The following NLRP6 variants were observed in gnomAD, a reference collection of about 807,000 sequenced individuals.
NLRP6 encodes the protein NACHT, LRR and PYD domains-containing protein 6.
NLRP6 carries 55 observed loss-of-function variants against 70.9 expected under a neutral mutation model. That is an observed-to-expected ratio of 0.78 (90% CI 0.62 to 0.97). The LOEUF (loss-of-function observed/expected upper bound fraction) is 0.97, where lower values mean the gene tolerates loss of function less well. NLRP6 is among the 50% of genes least tolerant of loss of function. The pLI is 0.00. For synonymous variants in NLRP6, 652 were observed against 581.9 expected, an observed-to-expected ratio of 1.12 and a Z score of -1.73; for missense variants, 1,241 against 1,238.3, an observed-to-expected ratio of 1.00 and a Z score of -0.03.
Position 285,158 on chromosome 11 carries a change from G to T in NLRP6, c.2538-8G>T. 1 of 1,579,034 alleles carries T rather than the reference G, an allele frequency of 6.3e-7. No homozygotes were observed. Among genetic ancestry groups the T allele is most frequent in the South Asian group, 1.2e-5 (1 of 86,756 alleles). On this transcript the variant is annotated splice_region_variant and splice_polypyrimidine_tract_variant and intron_variant, in intron 7 of 7. Coordinates refer to ENST00000534750, the MANE Select transcript of NLRP6 (RefSeq NM_001276700.2). ...CTGACCCCGCTTCTGCTCTGCGTGT[G>T]GCTGCAGTCTGGCCTCTGTGGAGCT...
In NLRP6 at chr11:281,759, C is replaced by G. The variant is rs754482570; in HGVS notation, c.2025C>G (p.Ile675Met). 2.5e-6 allele frequency: 4 copies of G among 1,611,074 alleles called. No homozygotes were observed. The Admixed American group carries it at 5.0e-5, about 20-fold the overall frequency. The change falls in exon 4 of 8, where the codon ATC (isoleucine) becomes ATG (methionine). Residue 675 changes from isoleucine (I) to methionine (M), a missense_variant. By Grantham distance (10) the Ile-to-Met change is conservative. Transcript: ENST00000534750. The part of the protein sequence containing the change: ...CCPAGQALRL[I>M]SCRLVAAQEK... ...CTGCTGGACAGGCACTGCGGCTGAT[C>G]AGCTGCAGATTGGTTGCTGCGCAGG...
Position 281,807 on chromosome 11 carries a change from GA to G in NLRP6, c.2075del (p.Lys692SerfsTer31). 1 of 1,592,816 alleles carries G rather than the reference GA, an allele frequency of 6.3e-7. No individual in the cohort carries two copies. Among genetic ancestry groups the G allele is most frequent in the Non-Finnish European group, 8.5e-7 (1 of 1,173,046 alleles). The stretch of plus-strand genomic sequence containing the variant: ...AGGAGAAGAAGAAGAAGAGCCTGGG[GA>G]AGCGGCTCCAGGCCAGCCTGGGTGG... ...AQEKKKKSLG[K>X]RLQASLGGGS... On this transcript the variant is annotated frameshift_variant, in exon 4 of 8. Coordinates refer to ENST00000534750, the MANE Select transcript of NLRP6 (RefSeq NM_001276700.2). LOFTEE classifies it high-confidence loss of function.
At position 284,604 on chromosome 11, in the gene NLRP6, A is replaced by C; in HGVS notation, c.2499A>C (p.Ala833=). 2 of 1,610,886 alleles carry C rather than the reference A, an allele frequency of 1.2e-6. No individual in the cohort carries two copies. The highest frequency in any genetic ancestry group is 1.1e-5 in the South Asian group (1 of 91,018). ...CCCCCATGGTGACCTACCTGTGTGC[A>C]GTCCTGCAGCACCAGGGATGCGGCC... ...LPAPMVTYLC[A]VLQHQGCGLQ... Residue 833 remains alanine (A), a synonymous_variant, in exon 7 of 8, where the codon GCA becomes GCC. Transcript: ENST00000534750.
At position 281,520 on chromosome 11, in the gene NLRP6, G is replaced by A. The variant is rs1300594196; in HGVS notation, c.1786G>A (p.Gly596Arg). The change falls in exon 4 of 8, where the codon GGG becomes AGG. Residue 596 changes from glycine (G) to arginine (R), a missense_variant. Gly to Arg is a moderately radical substitution (Grantham distance 125). Coordinates refer to ENST00000534750, the MANE Select transcript of NLRP6 (RefSeq NM_001276700.2). ...CPGVAPEVTE[G>R]AKGLEDTEEP... ...CGGAGTGGCACCAGAGGTGACCGAG[G>A]GGGCCAAAGGGCTCGAGGACACCGA... is the stretch of plus-strand genomic sequence containing the variant. The A allele has an allele frequency of 1.2e-6, 2 of 1,607,354 alleles. No individual in the cohort carries two copies. The highest frequency in any genetic ancestry group is 2.2e-5 in the East Asian group (1 of 44,788).
In NLRP6 at chr11:281,608, T is replaced by C. The variant is rs1845480073; in HGVS notation, c.1874T>C (p.Leu625Pro). 6.2e-7 allele frequency: 1 copy of C among 1,612,266 alleles called. No individual in the cohort carries two copies. The highest frequency in any genetic ancestry group is 8.5e-7 in the Non-Finnish European group (1 of 1,179,304). The stretch of plus-strand genomic sequence containing the variant: ...TACCCACTGGAGTTGCTGTACTGCC[T>C]GTACGAGACGCAGGAGGACGCGTTT... Reference protein sequence around the residue: ...PNYPLELLYCLYETQEDAFVR... With the variant: ...PNYPLELLYCPYETQEDAFVR... Residue 625 changes from leucine (L) to proline (P), a missense_variant, in exon 4 of 8, where the codon CTG becomes CCG. Transcript: ENST00000534750.
chr11:282,654 C>A, intron 4 of NLRP6, 51 bp from the exon 5 acceptor site: 3 of 1,405,542 alleles, frequency 2.1e-6, no homozygotes, highest in Non-Finnish European at 3.0e-6. Context: ...TCCTTTCCGG[C>A]AGGCACTGTG....
At chr11:283,708 T>A (rs1273770237) in intron 5 of NLRP6, among the ~76,000 whole-genome samples, 1 of 152,090 alleles carries the variant, frequency 6.6e-6, no homozygotes, top group Non-Finnish European at 1.5e-5. Flanking sequence ...CTAGTACTGA[T>A]GGTGAAACAG....
Position 281,429 on chromosome 11 carries a change from C to T in NLRP6, c.1695C>T (p.Cys565=), listed in dbSNP as rs1845475990. 4 of 1,607,404 alleles carry T rather than the reference C, an allele frequency of 2.5e-6. No individual in the cohort carries two copies. The highest frequency in any genetic ancestry group is 3.4e-6 in the Non-Finnish European group (4 of 1,177,014). Residue 565 remains cysteine, a synonymous_variant, in exon 4 of 8, where the codon TGC becomes TGT. Coordinates refer to ENST00000534750, the MANE Select transcript of NLRP6 (RefSeq NM_001276700.2). ...GCGACATCGAGCGCCACTTCGGCTG[C>T]ATGGTTTCAGAGCGTGTGAAGCAGG... ...RMRDIERHFG[C]MVSERVKQEA... is the part of the protein sequence containing the mutation.
chr11:279,036 T>C, intron 1 of NLRP6: 1 of 363,682 alleles, frequency 2.7e-6, no homozygotes, highest in Middle Eastern at 7.0e-4. Flanking sequence ...GAAAGGGAGG[T>C]GCAGGGGAGG....
rs139360489 is a variant in NLRP6, at chr11:282,339, G to A, written c.2106-366G>A. 2.4e-3 allele frequency among the ~76,000 whole-genome samples: 371 copies of A among 152,294 alleles called. 3 individuals carry two copies. The highest frequency in any genetic ancestry group is 8.7e-3 in the African/African-American group (363 of 41,558). ...AGACCCTCGGCTCCTCCAGGGCAAG[G>A]CTTTTGCCAGAGTTCCTTTGAATAT... On this transcript the variant is annotated intron_variant, in intron 4 of 7. Coordinates refer to ENST00000534750, the MANE Select transcript of NLRP6 (RefSeq NM_001276700.2).
Position 280,211 on chromosome 11 carries a change from G to C in NLRP6, c.477G>C (p.Pro159=). Reference sequence around the variant, plus strand: ...TCATCGCGCCCGAGAGCGCCGCCCCGGAGGAGGCGATGGGGCCCGCGGAAG... The same window carrying C: ...TCATCGCGCCCGAGAGCGCCGCCCCCGAGGAGGCGATGGGGCCCGCGGAAG... ...KLLIAPESAA[P]EEAMGPAEEP... is the part of the protein sequence containing the mutation. The change falls in exon 4 of 8, where the codon CCG becomes CCC. Residue 159 remains proline (P), a synonymous_variant. Coordinates refer to ENST00000534750, the MANE Select transcript of NLRP6 (RefSeq NM_001276700.2). 6.5e-7 allele frequency: 1 copy of C among 1,546,576 alleles called. No homozygotes were observed. The highest frequency in any genetic ancestry group is 1.2e-5 in the South Asian group (1 of 83,964).
At position 280,641 on chromosome 11, in the gene NLRP6, A is replaced by C; in HGVS notation, c.907A>C (p.Ser303Arg). Reference sequence around the variant, plus strand: ...CTGCACAGACCCCTTCGAGGCGGCGAGCGGCGCGCGGGTGCTAGGCGGGCT... The same window carrying C: ...CTGCACAGACCCCTTCGAGGCGGCGCGCGGCGCGCGGGTGCTAGGCGGGCT... ...APCTDPFEAASGARVLGGLLS... is the reference protein window; with the variant it reads ...APCTDPFEAARGARVLGGLLS... The change falls in exon 4 of 8, where the codon AGC becomes CGC. Residue 303 changes from serine (S) to arginine (R), a missense_variant. Physicochemically the swap from Ser to Arg is moderately radical, Grantham distance 110. Coordinates refer to ENST00000534750, the MANE Select transcript of NLRP6 (RefSeq NM_001276700.2). The C allele has an allele frequency of 2.0e-6, 3 of 1,506,970 alleles. No individual in the cohort carries two copies. The highest frequency in any genetic ancestry group is 2.6e-6 in the Non-Finnish European group (3 of 1,136,550). The allele number at this position is 1,506,970 out of a possible 1,614,324, so 93.3% of individuals were successfully genotyped here. A position where few individuals can be genotyped will look rare whatever the true frequency, so the allele number is the denominator to read the frequency against.
Position 280,743 on chromosome 11 carries a change from C to G in NLRP6, c.1009C>G (p.Arg337Gly), listed in dbSNP as rs775919638. 1.2e-5 allele frequency: 20 copies of G among 1,602,312 alleles called. No individual in the cohort carries two copies. In the South Asian group the frequency reaches 2.1e-4, roughly 17 times the overall value. The change falls in exon 4 of 8, where the codon CGC becomes GGC. Residue 337 changes from arginine to glycine, a missense_variant. Coordinates refer to ENST00000534750, the MANE Select transcript of NLRP6 (RefSeq NM_001276700.2). Reference sequence around the variant, plus strand: ...CGCCGCCCCCGGGAGGCTGCAGGGCCGCCTGTGTTCCCCGCAGTGCGCCGA... The same window carrying G: ...CGCCGCCCCCGGGAGGCTGCAGGGCGGCCTGTGTTCCCCGCAGTGCGCCGA... ...RAAAPGRLQG[R>G]LCSPQCAEVR...
At chr11:283,141 A>G (rs1845501633) in intron 5 of NLRP6, among the ~76,000 whole-genome samples, 1 of 152,206 alleles carries the variant, frequency 6.6e-6, no homozygotes, top group South Asian at 2.1e-4. Flanking sequence ...GCAGTGGAGG[A>G]AGGTGTTCAA....
In NLRP6 at chr11:284,777, T is replaced by G; in HGVS notation, c.2537+135T>G. 6 of 846,044 alleles carry G rather than the reference T, an allele frequency of 7.1e-6. No homozygotes were observed. In the South Asian group the frequency reaches 1.0e-4, roughly 15 times the overall value. The allele number at this position is 846,044 out of a possible 1,614,324, so 52.4% of individuals were successfully genotyped here. ...CTCCCATGTGACTGAGCTCAAACAC[T>G]GACCTGGGAGCCCAGCCCTGACAGC... On this transcript the variant is annotated intron_variant, in intron 7 of 7. Transcript: ENST00000534750.
chr11:282,636 G>T, intron 4 of NLRP6, 69 bp from the exon 5 acceptor site: 1 of 1,203,496 alleles, frequency 8.3e-7, no homozygotes, highest in South Asian at 1.2e-5. Flanking sequence ...ACTACAGATA[G>T]ACAGGAGTCC....
Position 281,428 on chromosome 11 carries a change from G to A in NLRP6, c.1694G>A (p.Cys565Tyr). ...CGCGACATCGAGCGCCACTTCGGCTGCATGGTTTCAGAGCGTGTGAAGCAG... is the reference window on the plus strand; with the variant it reads ...CGCGACATCGAGCGCCACTTCGGCTACATGGTTTCAGAGCGTGTGAAGCAG... ...RMRDIERHFG[C>Y]MVSERVKQEA... Residue 565 changes from cysteine to tyrosine, a missense_variant, in exon 4 of 8, where the codon TGC becomes TAC. Physicochemically the swap from Cys to Tyr is radical, Grantham distance 194. Coordinates refer to ENST00000534750, the MANE Select transcript of NLRP6 (RefSeq NM_001276700.2). 1.9e-6 allele frequency: 3 copies of A among 1,607,536 alleles called. No homozygotes were observed. Among genetic ancestry groups the A allele is most frequent in the Non-Finnish European group, 1.7e-6 (2 of 1,177,072 alleles).
rs141624241 is a variant in NLRP6, at chr11:285,232, G to A, written c.2604G>A (p.Pro868=). ...TTCAGGCTGTGAAGAGAGCAAAGCC[G>A]GATCTGGTCATCACACACCCAGCGC... is the stretch of plus-strand genomic sequence containing the variant. ...QELQAVKRAK[P]DLVITHPALD... The change falls in exon 8 of 8, where the codon CCG becomes CCA. Residue 868 remains proline (P), a synonymous_variant. Coordinates refer to ENST00000534750, the MANE Select transcript of NLRP6 (RefSeq NM_001276700.2). 2.3e-4 allele frequency: 372 copies of A among 1,604,492 alleles called. No individual in the cohort carries two copies. Among genetic ancestry groups the A allele is most frequent in the East Asian group, 1.3e-3 (56 of 44,534 alleles).
In NLRP6 at chr11:279,434, C is replaced by T. The variant is rs866744812; in HGVS notation, c.137C>T (p.Pro46Leu). Residue 46 changes from proline (P) to leucine (L), a missense_variant, in exon 2 of 8, where the codon CCG (proline) becomes CTG (leucine). Physicochemically the swap from Pro to Leu is moderately conservative, Grantham distance 98. Coordinates refer to ENST00000534750, the MANE Select transcript of NLRP6 (RefSeq NM_001276700.2). ...CGCCACAAGCTGCGCGACGTGGGCCCGGACGGACGCAGCATCCCGTGGGGG... is the reference window on the plus strand; with the variant it reads ...CGCCACAAGCTGCGCGACGTGGGCCTGGACGGACGCAGCATCCCGTGGGGG... ...RFRHKLRDVG[P>L]DGRSIPWGRL... The T allele has an allele frequency of 8.6e-6, 12 of 1,387,416 alleles. No individual in the cohort carries two copies. In the East Asian group the frequency reaches 2.5e-4, roughly 28 times the overall value. The allele number at this position is 1,387,416 out of a possible 1,614,324, so 85.9% of individuals were successfully genotyped here.
Sources: allele counts gnomAD v4.1 joint callset (sites outside exome capture counted in the v4.1 genomes callset), GRCh38; gene constraint gnomAD v4.1.1; transcripts MANE v1.5; gene names NCBI Gene and HGNC (gene_info 2026-07-23, HGNC 2026-07-21).